The following ARFGEF2 variants were observed in gnomAD, a reference collection of about 807,000 sequenced individuals.
The protein encoded by ARFGEF2 is ARF guanine nucleotide exchange factor 2, also known as brefeldin A-inhibited guanine nucleotide-exchange protein 2.
ARFGEF2 carries 74 observed loss-of-function variants against 219.9 expected under a neutral mutation model. The observed-to-expected ratio is 0.34, with a 90% confidence interval of 0.28 to 0.41. ARFGEF2 has a LOEUF of 0.41. Ranked by LOEUF, ARFGEF2 falls within the 10% of genes least tolerant of loss-of-function variation. The pLI, the probability that ARFGEF2 is intolerant of heterozygous loss-of-function variation, is 1.00. For missense variants in ARFGEF2, 1,743 were observed against 2,218.3 expected, an observed-to-expected ratio of 0.79 and a Z score of 4.30; for synonymous variants, 733 against 799.2, an observed-to-expected ratio of 0.92 and a Z score of 1.40.
Position 48,994,540 on chromosome 20 carries a change from A to G in ARFGEF2, c.3063A>G (p.Arg1021=). 1 of 1,614,150 alleles carries G rather than the reference A, an allele frequency of 6.2e-7. No individual in the cohort carries two copies. The highest frequency in any genetic ancestry group is 1.1e-5 in the South Asian group (1 of 91,084). Residue 1021 remains arginine, a synonymous_variant, in exon 22 of 39, where the codon AGA becomes AGG. Transcript: ENST00000371917. ...TRYLSGSGRE[R]EGSLKGHTLA... is the part of the protein sequence containing the mutation. ...ACCTGTCTGGATCTGGGCGTGAAAG[A>G]GAAGGGAGCCTGAAGGGCCACACAT...
intron 36 of ARFGEF2, among the ~76,000 whole-genome samples, chr20:49,026,184 ATATG>A (rs1258712014): frequency 9.9e-5 from 15 of 152,126 alleles, no homozygotes. Context: ...AAAAAAAAGT[ATATG>A]AAAATTAGCT....
chr20:48,944,414 C>T (rs1429523416), intron 3 of ARFGEF2, among the ~76,000 whole-genome samples: 1 of 152,100 alleles, frequency 6.6e-6, no homozygotes, highest in East Asian at 1.9e-4. Flanking sequence ...CCTCGACAGC[C>T]CTCTGAGGTA....
In ARFGEF2 at chr20:48,952,751, G is replaced by T. The variant is rs1471473936; in HGVS notation, c.470G>T (p.Gly157Val). Residue 157 changes from glycine to valine, a missense_variant, in exon 5 of 39, where the codon GGT becomes GTT. Coordinates refer to ENST00000371917, the MANE Select transcript of ARFGEF2 (RefSeq NM_006420.3). ...TCCCCACACATTGAAATTCATGAGG[G>T]TACTATCCTGCAGACAGTGAGAACA... ...VTSPHIEIHE[G>V]TILQTVRTCY... The T allele has an allele frequency of 6.2e-7, 1 of 1,614,074 alleles. No homozygotes were observed. Among genetic ancestry groups the T allele is most frequent in the African/African-American group, 1.3e-5 (1 of 74,920 alleles).
chr20:48,953,552 T>G lies in ARFGEF2; in HGVS notation c.604-4T>G. The G allele has an allele frequency of 6.2e-7, 1 of 1,613,768 alleles. No individual in the cohort carries two copies. Among genetic ancestry groups the G allele is most frequent in the South Asian group, 1.1e-5 (1 of 91,072 alleles). ...TGCTGTATCCCCCTTTTGTTGCCTTTTAGTTGCAGGAGGCCAGAGAACTGG... is the reference window on the plus strand; with the variant it reads ...TGCTGTATCCCCCTTTTGTTGCCTTGTAGTTGCAGGAGGCCAGAGAACTGG... On this transcript the variant is annotated splice_region_variant and splice_polypyrimidine_tract_variant and intron_variant, in intron 5 of 38. Coordinates refer to ENST00000371917, the MANE Select transcript of ARFGEF2 (RefSeq NM_006420.3).
At chr20:48,971,404 C>G (rs1488986270) in intron 10 of ARFGEF2, 50 bp downstream of exon 10, 3 of 1,308,418 alleles carry the variant, frequency 2.3e-6, no homozygotes, top group Non-Finnish European at 2.2e-6. Context: ...TATTATTAGT[C>G]ATTAATTATA....
At position 49,025,608 on chromosome 20, in the gene ARFGEF2, G is replaced by C. The variant is rs1454320330; in HGVS notation, c.4924+127G>C. 7.5e-6 allele frequency: 8 copies of C among 1,071,170 alleles called. No individual in the cohort carries two copies. The East Asian group carries it at 1.5e-4, about 21-fold the overall frequency. The allele number at this position is 1,071,170 out of a possible 1,614,324, so 66.4% of individuals were successfully genotyped here. ...ACTTAACAGATATTTTCATGCTTGA[G>C]GGGGAGAGAAGGGAAATGTTGGATA... On this transcript the variant is annotated intron_variant, in intron 36 of 38. Transcript: ENST00000371917.
At chr20:48,971,557 C>T (rs1217988959) in intron 10 of ARFGEF2, among the ~76,000 whole-genome samples, 2 of 152,124 alleles carry the variant, frequency 1.3e-5, no homozygotes, top group Non-Finnish European at 2.9e-5. Flanking sequence ...GCTGGCACCC[C>T]AGTAAATCAG....
chr20:48,936,033 G>T (rs2090950742), intron 1 of ARFGEF2, among the ~76,000 whole-genome samples: 1 of 143,386 alleles, frequency 7.0e-6, no homozygotes, highest in South Asian at 2.2e-4. Flanking sequence ...CCGGGCAGAG[G>T]CGCCCCTCAC....
chr20:49,016,938 G>A (rs1354591708), intron 31 of ARFGEF2, among the ~76,000 whole-genome samples: 1 of 152,144 alleles, frequency 6.6e-6, no homozygotes, highest in Non-Finnish European at 1.5e-5. Context: ...TAATGTATGA[G>A]TGACTAAATT....
intron 12 of ARFGEF2, among the ~76,000 whole-genome samples, chr20:48,973,713 T>C (rs993294049): frequency 8.4e-4 from 128 of 152,158 alleles, no homozygotes; most frequent in African/African-American, 2.8e-3. Context: ...ACAAAGAAAA[T>C]AGGATGCTTA....
At position 49,028,517 on chromosome 20, in the gene ARFGEF2, G is replaced by A; in HGVS notation, c.4925-13G>A. On this transcript the variant is annotated splice_polypyrimidine_tract_variant and intron_variant, in intron 36 of 38. Coordinates refer to ENST00000371917, the MANE Select transcript of ARFGEF2 (RefSeq NM_006420.3). ...AGAAATGTGCACTAATTATATGACT[G>A]TCTGATCTCTAGGTTTTAAGGGCAA... 6.2e-7 allele frequency: 1 copy of A among 1,613,590 alleles called. No homozygotes were observed. The highest frequency in any genetic ancestry group is 8.5e-7 in the Non-Finnish European group (1 of 1,179,500).
intron 14 of ARFGEF2, among the ~76,000 whole-genome samples, chr20:48,979,537 T>C (rs1405862366): frequency 1.3e-5 from 2 of 152,218 alleles, no homozygotes; most frequent in Non-Finnish European, 2.9e-5. Flanking sequence ...TTGGAATAGT[T>C]TCAGAAGGAA....
intron 33 of ARFGEF2, among the ~76,000 whole-genome samples, chr20:49,017,791 G>A (rs1301415317): frequency 6.6e-6 from 1 of 152,170 alleles, no homozygotes; most frequent in African/African-American, 2.4e-5. Flanking sequence ...GACCGTGCAT[G>A]CCTAGGAAAA....
intron 34 of ARFGEF2, among the ~76,000 whole-genome samples, chr20:49,019,627 A>G (rs975791249): frequency 9.9e-5 from 15 of 152,226 alleles, no homozygotes; most frequent in Non-Finnish European, 1.3e-4. Flanking sequence ...TGAATTTGCC[A>G]TTTTTAAATA....
At position 48,985,473 on chromosome 20, in the gene ARFGEF2, G is replaced by A. The variant is rs1600634336; in HGVS notation, c.2136G>A (p.Val712=). The A allele has an allele frequency of 6.2e-7, 1 of 1,614,082 alleles. No homozygotes were observed. Among genetic ancestry groups the A allele is most frequent in the Admixed American group, 1.7e-5 (1 of 60,006 alleles). Residue 712 remains valine, a synonymous_variant, in exon 16 of 39, where the codon GTG becomes GTA. Transcript: ENST00000371917. ...ACAAGGAGGTGATGTATGCCTACGT[G>A]GACCAACTTGACTTCTGTGAAAAAG... The part of the protein sequence containing the change: ...RFNKEVMYAY[V]DQLDFCEKEF...
intron 23 of ARFGEF2, 134 bp from the exon 24 acceptor site, chr20:48,998,059 C>T (rs2091402917): frequency 1.3e-6 from 1 of 771,280 alleles, no homozygotes; most frequent in Non-Finnish European, 2.3e-6. Flanking sequence ...AAGGTTTCAC[C>T]ATGTTGGCCA....
intron 34 of ARFGEF2, among the ~76,000 whole-genome samples, chr20:49,020,251 G>T (rs568834727): frequency 6.6e-6 from 1 of 152,178 alleles, no homozygotes; most frequent in Non-Finnish European, 1.5e-5. Flanking sequence ...GGCCATAGCT[G>T]TTAACATTGA....
chr20:49,014,909 G>A (rs997249056), intron 30 of ARFGEF2, among the ~76,000 whole-genome samples: 7 of 152,204 alleles, frequency 4.6e-5, no homozygotes, highest in Admixed American at 1.3e-4. Context: ...TCACAGTTGC[G>A]GTTTTTCATA....
intron 1 of ARFGEF2, among the ~76,000 whole-genome samples, chr20:48,936,875 TG>T (rs2090961818): frequency 6.6e-6 from 1 of 152,200 alleles, no homozygotes; most frequent in Non-Finnish European, 1.5e-5. Context: ...GTTTTTCATA[TG>T]TTTTTTGGCC....
Sources: allele counts gnomAD v4.1 joint callset (sites outside exome capture counted in the v4.1 genomes callset), GRCh38; gene constraint gnomAD v4.1.1; transcripts MANE v1.5; gene names NCBI Gene and HGNC (gene_info 2026-07-23, HGNC 2026-07-21).